PCDHGA2: variants seen among roughly 807,000 people sequenced by gnomAD.
PCDHGA2 encodes protocadherin gamma subfamily A, 2.
Under a neutral mutation model 59.2 loss-of-function variants are expected in PCDHGA2, and 40 were observed. The observed-to-expected ratio is 0.68, with a 90% confidence interval of 0.52 to 0.88. The LOEUF (loss-of-function observed/expected upper bound fraction) is 0.88. PCDHGA2 is among the 40% of genes least tolerant of loss of function. The probability of loss-of-function intolerance (pLI) is 0.00; values close to 1 mark genes in which losing one functional copy is unlikely to be tolerated. For missense variants in PCDHGA2, 1,226 were observed against 1,204.0 expected (o/e 1.02, Z -0.27); for synonymous variants, 560 against 526.0 (o/e 1.06, Z -0.89).
chr5:141,428,305 G>T (rs751498223), intron 1 of PCDHGA2: 8 of 694,348 alleles, frequency 1.2e-5, no homozygotes. Flanking sequence ...GATTTACCTG[G>T]TCGTGGCCTT....
Position 141,338,764 on chromosome 5 carries a change from C to CA in PCDHGA2, c.-207dup. 7.9e-7 allele frequency: 1 copy of CA among 1,261,988 alleles called. No homozygotes were observed. Among genetic ancestry groups the CA allele is most frequent in the Non-Finnish European group, 1.0e-6 (1 of 1,001,222 alleles). The allele number at this position is 1,261,988 out of a possible 1,614,324, so 78.2% of individuals were successfully genotyped here. A position where few individuals can be genotyped will look rare whatever the true frequency, so the allele number is the denominator to read the frequency against. The stretch of plus-strand genomic sequence containing the variant: ...GTAAAAGGCAGCGAGACATCCAATC[C>CA]AGCAATACGGCTCCCACAGCACAAG... On this transcript the variant is annotated 5_prime_UTR_variant, in exon 1 of 4. Transcript: ENST00000394576.
intron 1 of PCDHGA2, chr5:141,389,259 G>C (rs374136353): frequency 6.2e-7 from 1 of 1,613,888 alleles, no homozygotes; most frequent in Non-Finnish European, 8.5e-7. Flanking sequence ...TATAGTCCAC[G>C]TGGCCGAGAA....
At position 141,409,955 on chromosome 5, in the gene PCDHGA2, G is replaced by A. The variant is rs946959934; in HGVS notation, c.2424+68560G>A. On this transcript the variant is annotated intron_variant, in intron 1 of 3. Coordinates refer to ENST00000394576, the MANE Select transcript of PCDHGA2 (RefSeq NM_018915.4). ...TATGGTACCTCGCTCTGCAGAGCCC[G>A]GCTACCTAGTGACTAAGGTGGTAGC... is the stretch of plus-strand genomic sequence containing the variant. The A allele has an allele frequency of 2.8e-5, 45 of 1,613,234 alleles. No individual in the cohort carries two copies. The highest frequency in any genetic ancestry group is 3.6e-5 in the Non-Finnish European group (42 of 1,179,814).
In PCDHGA2 at chr5:141,490,023, G is replaced by A. The variant is rs1306715385; in HGVS notation, c.2425-4784G>A. The A allele has an allele frequency of 1.2e-6, 2 of 1,614,134 alleles. No homozygotes were observed. Among genetic ancestry groups the A allele is most frequent in the Non-Finnish European group, 1.7e-6 (2 of 1,180,060 alleles). On this transcript the variant is annotated intron_variant, in intron 1 of 3. Transcript: ENST00000394576. This position sits in a 1 kb window ranked among gnomAD's most constrained non-coding sequence, Gnocchi z 5.4. ...AGAATGCACCCATTGGTACTCTGCT[G>A]CTCCGCCTCAATGCCACTGATCCAG... is the stretch of plus-strand genomic sequence containing the variant.
chr5:141,374,004 G>A (rs1770021331), intron 1 of PCDHGA2: 3 of 1,327,578 alleles, frequency 2.3e-6, no homozygotes, highest in African/African-American at 1.5e-5. Flanking sequence ...GACCTTCACC[G>A]CTATTTCTGA....
chr5:141,345,563 C>A, intron 1 of PCDHGA2: 4 of 1,614,220 alleles, frequency 2.5e-6, no homozygotes, highest in Non-Finnish European at 3.4e-6. Flanking sequence ...TCAACTCCAA[C>A]ACTGGCGTCC....
At chr5:141,345,204 C>A in intron 1 of PCDHGA2, 1 of 1,613,904 alleles carries the variant, frequency 6.2e-7, no homozygotes, top group Non-Finnish European at 8.5e-7. Context: ...GGGAAATCTG[C>A]CATTTAAGTT....
intron 1 of PCDHGA2, chr5:141,370,265 A>T: frequency 2.6e-6 from 2 of 758,286 alleles, no homozygotes; most frequent in South Asian, 4.5e-5. Flanking sequence ...GGCTTCCTGC[A>T]GCGGAGACAC....
Position 141,489,090 on chromosome 5 carries a change from C to CCAA in PCDHGA2, c.2425-5717_2425-5716insCAA, listed in dbSNP as rs2099682444. 1 of 328,824 alleles carries CCAA rather than the reference C, an allele frequency of 3.0e-6. No individual in the cohort carries two copies. Among genetic ancestry groups the CCAA allele is most frequent in the Admixed American group, 6.1e-5 (1 of 16,500 alleles). The allele number at this position is 328,824 out of a possible 1,614,324, so 20.4% of individuals were successfully genotyped here. ...CCTGCCCACCCCCGCCACTCGGTGA[C>CCAA]TAAGAACTGCTGCAAGCAGGCAAAC... On this transcript the variant is annotated intron_variant, in intron 1 of 3. Transcript: ENST00000394576. This position sits in a 1 kb window ranked among gnomAD's most constrained non-coding sequence, Gnocchi z 4.5.
chr5:141,414,995 G>C (rs1431326081), intron 1 of PCDHGA2: 14 of 1,613,640 alleles, frequency 8.7e-6, no homozygotes, highest in Non-Finnish European at 1.2e-5. Context: ...CAGAACGCCT[G>C]GCTGTCCTAC....
chr5:141,394,347 G>C (rs770737407), intron 1 of PCDHGA2: 1 of 1,614,118 alleles, frequency 6.2e-7, no homozygotes, highest in Non-Finnish European at 8.5e-7. Flanking sequence ...CTCTGACACC[G>C]GTGTCCTGTA....
At chr5:141,423,256 G>C (rs751894091) in intron 1 of PCDHGA2, 1 of 1,613,934 alleles carries the variant, frequency 6.2e-7, no homozygotes. Flanking sequence ...GGCGGACCTC[G>C]GCAGCCTCGA....
intron 1 of PCDHGA2, chr5:141,394,562 G>A (rs1381162611): frequency 2.5e-6 from 4 of 1,614,088 alleles, no homozygotes; most frequent in Admixed American, 3.3e-5. Flanking sequence ...GCTCCGCAGA[G>A]CGTGGCTACC....
chr5:141,383,584 C>T, intron 1 of PCDHGA2: 2 of 1,613,678 alleles, frequency 1.2e-6, no homozygotes, highest in Non-Finnish European at 1.7e-6. Flanking sequence ...CGCCCACATC[C>T]AGGTGACAGT....
At chr5:141,433,257 G>C (rs764036349) in intron 1 of PCDHGA2, 3 of 1,385,416 alleles carry the variant, frequency 2.2e-6, no homozygotes, top group Non-Finnish European at 3.0e-6. Flanking sequence ...GCAGCGGTAC[G>C]ATCATAGCTC....
chr5:141,399,945 G>T, intron 1 of PCDHGA2: 2 of 1,612,308 alleles, frequency 1.2e-6, no homozygotes, highest in Non-Finnish European at 1.7e-6. Context: ...ACGTGCTGCA[G>T]GCTAGCGAGC....
At chr5:141,409,067 A>G (rs2095219315) in intron 1 of PCDHGA2, 2 of 1,614,034 alleles carry the variant, frequency 1.2e-6, no homozygotes, top group South Asian at 2.2e-5. Context: ...CCAGAGCACA[A>G]AACATATGTT....
intron 1 of PCDHGA2, chr5:141,355,812 A>G (rs777935984): frequency 1.2e-6 from 2 of 1,613,288 alleles, no homozygotes; most frequent in South Asian, 2.2e-5. Context: ...ATCGCGAGGA[A>G]GAGGCGGTTC....
At chr5:141,400,799 G>A in intron 1 of PCDHGA2, 1 of 553,494 alleles carries the variant, frequency 1.8e-6, no homozygotes, top group Non-Finnish European at 3.2e-6. Context: ...CTTTCTCAAA[G>A]CTAATGAATT....
Sources: allele counts gnomAD v4.1 joint callset, GRCh38; gene constraint gnomAD v4.1.1; non-coding constraint Gnocchi (gnomAD v3.1); transcripts MANE v1.5; gene names NCBI Gene and HGNC (gene_info 2026-07-23, HGNC 2026-07-21).